Variants in ACO1 observed in about 807,000 individuals in gnomAD.
The protein encoded by ACO1 is cytoplasmic aconitate hydratase.
Under a neutral mutation model 105.1 loss-of-function variants are expected in ACO1, and 78 were observed. That is an observed-to-expected ratio of 0.74 (90% CI 0.62 to 0.90). ACO1 has a LOEUF of 0.90. Ranked by LOEUF, ACO1 falls within the 40% of genes least tolerant of loss-of-function variation. The pLI, the probability that ACO1 is intolerant of heterozygous loss-of-function variation, is 0.00. For synonymous variants in ACO1, 364 were observed against 397.4 expected (o/e 0.92, Z 1.00); for missense variants, 965 against 1,111.1 (o/e 0.87, Z 1.87).
At chr9:32,410,054 T>C (rs1821702574) in intron 4 of ACO1, among the ~76,000 whole-genome samples, 1 of 152,306 alleles carries the variant, frequency 6.6e-6, no homozygotes, top group African/African-American at 2.4e-5. Context: ...CCTGACTCAG[T>C]TTATTTTAAT....
chr9:32,423,578 G>A lies in ACO1; in HGVS notation c.1071+159G>A, dbSNP rs145668963. ...GAAGGTTGAAAAACCAAAAGGATAA[G>A]GCAATTGTAAACATAACAGAATAAT... On this transcript the variant is annotated intron_variant, in intron 9 of 20. Transcript: ENST00000309951. Among the ~76,000 whole-genome samples the A allele has an allele frequency of 2.1e-3, 325 of 152,294 alleles. 1 individual carries two copies. The highest frequency in any genetic ancestry group is 7.4e-3 in the African/African-American group (307 of 41,564).
rs1248063232 is a variant in ACO1 at position 32,450,872 on chromosome 9, G to C, written c.*761G>C. On this transcript the variant is annotated 3_prime_UTR_variant, in exon 21 of 21. Transcript: ENST00000309951. Reference sequence around the variant, plus strand: ...TTGAGTTTTGCTGTGTTTGTGGCTAGAGTTTTGGGATATTTAGTACAGAGT... The same window carrying C: ...TTGAGTTTTGCTGTGTTTGTGGCTACAGTTTTGGGATATTTAGTACAGAGT... 6.9e-6 allele frequency: 1 copy of C among 145,848 alleles called. No homozygotes were observed. The highest frequency in any genetic ancestry group is 2.8e-5 in the African/African-American group (1 of 36,012). 9.0% of individuals were successfully genotyped at this position (145,848 alleles called of 1,614,324 possible).
intron 12 of ACO1, among the ~76,000 whole-genome samples, chr9:32,428,968 A>T (rs772216451): frequency 6.6e-5 from 10 of 152,244 alleles, no homozygotes; most frequent in Non-Finnish European, 1.5e-4. Flanking sequence ...GCTATATACC[A>T]CATATACATT....
At position 32,450,149 on chromosome 9, in the gene ACO1, G is replaced by A. The variant is rs372329950; in HGVS notation, c.*38G>A. ...TGGTGCTGCGCCCAGGGAGGAAGCC[G>A]CACCACCAGCCAGCGCAGGCCCTGG... On this transcript the variant is annotated 3_prime_UTR_variant, in exon 21 of 21. Coordinates refer to ENST00000309951, the MANE Select transcript of ACO1 (RefSeq NM_002197.3). The A allele has an allele frequency of 2.4e-5, 37 of 1,539,308 alleles. No homozygotes were observed. The highest frequency in any genetic ancestry group is 1.1e-4 in the African/African-American group (8 of 73,324).
chr9:32,423,502 G>A (rs569786231), intron 9 of ACO1, 83 bp downstream of exon 9: 33 of 949,200 alleles, frequency 3.5e-5, no homozygotes, highest in South Asian at 2.5e-4. Flanking sequence ...GGGGGAATGC[G>A]CTAGTAGGAA....
chr9:32,388,336 C>G (rs1821196635), intron 1 of ACO1, among the ~76,000 whole-genome samples: 1 of 152,146 alleles, frequency 6.6e-6, no homozygotes, highest in Non-Finnish European at 1.5e-5. Context: ...CAAGACCAAC[C>G]TGGGCAACAT....
intron 1 of ACO1, among the ~76,000 whole-genome samples, chr9:32,399,534 T>C (rs901700970): frequency 6.6e-5 from 10 of 152,226 alleles, no homozygotes; most frequent in African/African-American, 2.4e-4. Flanking sequence ...CACTCGGCTC[T>C]TTTCTAGGAA....
At position 32,439,270 on chromosome 9, in the gene ACO1, TAGA is replaced by T. The variant is rs1230536783; in HGVS notation, c.2248-1189_2248-1187del. 5.3e-5 allele frequency among the ~76,000 whole-genome samples: 8 copies of T among 152,372 alleles called. No individual in the cohort carries two copies. Among genetic ancestry groups the T allele is most frequent in the East Asian group, 1.9e-4 (1 of 5,188 alleles). On this transcript the variant is annotated intron_variant, in intron 18 of 20. Coordinates refer to ENST00000309951, the MANE Select transcript of ACO1 (RefSeq NM_002197.3). This position sits in a 1 kb window ranked among gnomAD's most constrained non-coding sequence, Gnocchi z 4.0. ...TTTGAAAGGATCCAGACAATTCAGT[TAGA>T]AGAAGGTTTTCACTGTTTCTATGAC... is the stretch of plus-strand genomic sequence containing the variant.
chr9:32,407,950 A>G (rs1435650596), intron 3 of ACO1, among the ~76,000 whole-genome samples: 2 of 152,178 alleles, frequency 1.3e-5, no homozygotes, highest in African/African-American at 4.8e-5. Context: ...CTTTGTTGAG[A>G]TACTATATTT....
chr9:32,398,540 C>CT (rs375604050), intron 1 of ACO1, among the ~76,000 whole-genome samples: 97 of 144,246 alleles, frequency 6.7e-4, no homozygotes, highest in South Asian at 6.4e-3. Context: ...TTCGGAATTT[C>CT]TTTTTTTTTT....
At position 32,451,231 on chromosome 9, in the gene ACO1, G is replaced by T. The variant is rs1256176788; in HGVS notation, c.*1120G>T. On this transcript the variant is annotated 3_prime_UTR_variant, in exon 21 of 21. Transcript: ENST00000309951. Reference sequence around the variant, plus strand: ...AAGAACAGAAATGTATTTTCTCACAGTTATGGAGGCTGGAATTCTGAGATC... The same window carrying T: ...AAGAACAGAAATGTATTTTCTCACATTTATGGAGGCTGGAATTCTGAGATC... 6.6e-6 allele frequency: 1 copy of T among 152,150 alleles called. No homozygotes were observed. Among genetic ancestry groups the T allele is most frequent in the African/African-American group, 2.4e-5 (1 of 41,430 alleles). The allele number at this position is 152,150 out of a possible 1,614,324, so 9.4% of individuals were successfully genotyped here.
chr9:32,417,303 G>A (rs977113202), intron 4 of ACO1, among the ~76,000 whole-genome samples: 2 of 152,192 alleles, frequency 1.3e-5, no homozygotes, highest in African/African-American at 4.8e-5. Flanking sequence ...TAACTACTGG[G>A]TACTAGGAAG....
intron 9 of ACO1, 70 bp from the exon 10 acceptor site, chr9:32,424,479 G>A: frequency 1.0e-6 from 1 of 1,001,782 alleles, no homozygotes; most frequent in Non-Finnish European, 1.5e-6. Flanking sequence ...TAAATTCTCT[G>A]ACATGCTTTG....
Position 32,431,730 on chromosome 9 carries a change from A to T in ACO1, c.1738A>T (p.Lys580Ter). Residue 580 changes from lysine (K) to a stop codon, truncating the protein, a stop_gained, in exon 15 of 21, where the codon AAG becomes TAG. Coordinates refer to ENST00000309951, the MANE Select transcript of ACO1 (RefSeq NM_002197.3). LOFTEE classifies it high-confidence loss of function. ...CATTTTTTCCCCAGGAGTAAATGCA[A>T]AGGGACAGCAGGTATTTCTGAAAGA... ...FEKEPLGVNA[K>*]GQQVFLKDIW... 1 of 1,614,100 alleles carries T rather than the reference A, an allele frequency of 6.2e-7. No homozygotes were observed. The highest frequency in any genetic ancestry group is 8.5e-7 in the Non-Finnish European group (1 of 1,179,994).
At chr9:32,414,059 C>T (rs969738765) in intron 4 of ACO1, among the ~76,000 whole-genome samples, 1 of 151,934 alleles carries the variant, frequency 6.6e-6, no homozygotes, top group Non-Finnish European at 1.5e-5. Context: ...TGAGTGAGGC[C>T]CGGGAATGGC....
At chr9:32,428,491 C>A (rs1822150054) in intron 12 of ACO1, among the ~76,000 whole-genome samples, 1 of 151,688 alleles carries the variant, frequency 6.6e-6, no homozygotes, top group South Asian at 2.1e-4. Context: ...CTACACTTAA[C>A]TGGTTTGCTT....
chr9:32,412,348 G>C (rs968329268), intron 4 of ACO1, among the ~76,000 whole-genome samples: 5 of 152,172 alleles, frequency 3.3e-5, no homozygotes, highest in African/African-American at 1.2e-4. Flanking sequence ...TTGCTAAGCA[G>C]TTATCTCAGG....
intron 13 of ACO1, among the ~76,000 whole-genome samples, chr9:32,429,856 T>C (rs956898423): frequency 2.6e-5 from 4 of 152,210 alleles, no homozygotes; most frequent in African/African-American, 9.6e-5. Context: ...GTTATAGGTA[T>C]TGGGTTAGTG....
rs993358979 is a variant in ACO1 at position 32,439,989 on chromosome 9, G to A, written c.2248-476G>A. ...TTTTAAGAATACAAAATTTAAGGCC[G>A]GATGCAGTGGCTTACGCCTGTAATC... On this transcript the variant is annotated intron_variant, in intron 18 of 20. Coordinates refer to ENST00000309951, the MANE Select transcript of ACO1 (RefSeq NM_002197.3). This position sits in a 1 kb window ranked among gnomAD's most constrained non-coding sequence, Gnocchi z 4.0. Among the ~76,000 whole-genome samples the A allele has an allele frequency of 3.3e-5, 5 of 152,162 alleles. No homozygotes were observed. Among genetic ancestry groups the A allele is most frequent in the African/African-American group, 9.7e-5 (4 of 41,428 alleles).
Sources: gnomAD v4.1 joint callset for allele counts (sites outside exome capture counted in the v4.1 genomes callset) on GRCh38, gnomAD v4.1.1 for gene constraint, Gnocchi (gnomAD v3.1) non-coding constraint, MANE v1.5 for transcripts, NCBI Gene and HGNC (gene_info 2026-07-23, HGNC 2026-07-21) for gene names.